MLLT6: variants seen among roughly 807,000 people sequenced by gnomAD.
MLLT6 encodes MLLT6, PHD finger containing.
In MLLT6, 22 loss-of-function variants were observed where a neutral mutation model predicts 103.0. The ratio of observed to expected loss-of-function variants is 0.21; its 90% confidence interval spans 0.15 to 0.31. MLLT6 has a LOEUF of 0.31. Among genes scored for constraint, MLLT6 ranks in the 10% least tolerant of loss-of-function variants. The probability of loss-of-function intolerance (pLI) is 1.00; values close to 1 mark genes in which losing one functional copy is unlikely to be tolerated. For missense variants in MLLT6, 1,199 were observed against 1,441.7 expected (o/e 0.83, Z 2.73); for synonymous variants, 606 against 623.5 (o/e 0.97, Z 0.42).
intron 7 of MLLT6, among the ~76,000 whole-genome samples, chr17:38,712,482 C>T (rs1277574304): frequency 6.6e-6 from 1 of 152,156 alleles, no homozygotes; most frequent in Non-Finnish European, 1.5e-5. Flanking sequence ...CTATTTTTAG[C>T]AGGCGGGGCC....
Position 38,715,628 on chromosome 17 carries a change from C to G in MLLT6, c.836C>G (p.Ser279Cys), listed in dbSNP as rs1176781245. Residue 279 changes from serine (S) to cysteine (C), a missense_variant, in exon 9 of 20, where the codon TCC becomes TGC. Ser to Cys is a moderately radical substitution (Grantham distance 112). Transcript: ENST00000621332. ...PTADKVSSSASSSSHHEASTQ... is the reference protein window; with the variant it reads ...PTADKVSSSACSSSHHEASTQ... ...CTCCTTCAGGTCTCCTCCTCGGCTT[C>G]CTCTTCCTCCCACCACGAGGCCAGC... 1.2e-6 allele frequency: 2 copies of G among 1,613,152 alleles called. No individual in the cohort carries two copies. The highest frequency in any genetic ancestry group is 8.5e-7 in the Non-Finnish European group (1 of 1,179,768).
rs1905662567 is a variant in MLLT6, at chr17:38,720,509, C to T, written c.2293C>T (p.Pro765Ser). 3.7e-6 allele frequency: 6 copies of T among 1,612,288 alleles called. No individual in the cohort carries two copies. Among genetic ancestry groups the T allele is most frequent in the South Asian group, 1.1e-5 (1 of 90,986 alleles). ...VQLSVPFPAL[P>S]AALPAANGPV... ...GCTCTCTGTGCCCTTCCCTGCCCTG[C>T]CTGCTGCCCTGCCTGCCGCCAACGG... The change falls in exon 15 of 20, where the codon CCT becomes TCT. Residue 765 changes from proline to serine, a missense_variant. This residue lies in a region of MLLT6 where 1,034 missense variants were observed against 1,091.5 expected (regional missense o/e 0.95). Transcript: ENST00000621332.
At chr17:38,720,809 C>A in intron 16 of MLLT6, 62 bp downstream of exon 16, 1 of 1,429,702 alleles carries the variant, frequency 7.0e-7, no homozygotes, top group Non-Finnish European at 9.8e-7. Context: ...CTGGTCCCAT[C>A]TCTTCCCCGC....
At chr17:38,712,233 T>TC in intron 7 of MLLT6, 1 of 463,362 alleles carries the variant, frequency 2.2e-6, no homozygotes, top group Non-Finnish European at 2.8e-6. Flanking sequence ...CTCTGGGTCC[T>TC]CCCCATGACA....
chr17:38,705,860 A>T, intron 1 of MLLT6, 119 bp downstream of exon 1: 1 of 311,812 alleles, frequency 3.2e-6, no homozygotes, highest in Admixed American at 5.1e-5. Context: ...CCCCACCTGA[A>T]GGGAAGGGAG....
In MLLT6 at chr17:38,719,518, G is replaced by A. The variant is rs1435629084; in HGVS notation, c.1944G>A (p.Glu648=). 6.2e-7 allele frequency: 1 copy of A among 1,609,570 alleles called. No individual in the cohort carries two copies. Among genetic ancestry groups the A allele is most frequent in the East Asian group, 2.2e-5 (1 of 44,778 alleles). ...LLSQAESSHT[E]PDLEDCSFRC... is the part of the protein sequence containing the mutation. ...ATCCCAGCCTTCCCTTCTTCCAAGA[G>A]CCAGACCTGGAGGACTGCAGCTTCC... is the stretch of plus-strand genomic sequence containing the variant. The change falls in exon 13 of 20, where the codon GAG becomes GAA. Residue 648 remains glutamate, a splice_region_variant and synonymous_variant. Transcript: ENST00000621332.
chr17:38,708,291 C>A, intron 4 of MLLT6: 1 of 168,718 alleles, frequency 5.9e-6, no homozygotes, highest in Non-Finnish European at 1.3e-5. Context: ...AAAGTAAATG[C>A]AATTTGTGAT....
chr17:38,705,795 G>A (rs2143658115), intron 1 of MLLT6, 54 bp downstream of exon 1: 5 of 823,568 alleles, frequency 6.1e-6, no homozygotes, highest in Non-Finnish European at 3.2e-6. Flanking sequence ...CGTGCGCGGG[G>A]CGCCCCCGGC....
Position 38,709,488 on chromosome 17 carries a change from A to G in MLLT6, c.465A>G (p.Gln155=), listed in dbSNP as rs1905067421. ...CRQAFHVTCA[Q]MAGLLCEEEV... ...GGCTGCCTTCTCTGGTTAGTGCCCA[A>G]ATGGCAGGCTTGCTGTGTGAGGAAG... The change falls in exon 6 of 20, where the codon CAA becomes CAG. Residue 155 remains glutamine (Q), a synonymous_variant. Transcript: ENST00000621332. This position sits in a 1 kb window ranked among gnomAD's most constrained non-coding sequence, Gnocchi z 4.3. 1.2e-6 allele frequency: 2 copies of G among 1,614,122 alleles called. No individual in the cohort carries two copies. Among genetic ancestry groups the G allele is most frequent in the East Asian group, 2.2e-5 (1 of 44,882 alleles).
At chr17:38,712,125 T>G in intron 7 of MLLT6, 111 bp downstream of exon 7, 2 of 1,371,712 alleles carry the variant, frequency 1.5e-6, no homozygotes, top group Non-Finnish European at 1.9e-6. Context: ...CCTGCCTTCT[T>G]CCTTCCTCTG....
rs753125117 is a variant in MLLT6 at position 38,722,648 on chromosome 17, TC to T, written c.2793-21del. On this transcript the variant is annotated intron_variant, in intron 17 of 19. Coordinates refer to ENST00000621332, the MANE Select transcript of MLLT6 (RefSeq NM_005937.4). The stretch of plus-strand genomic sequence containing the variant: ...GCCCTCCCCCATGGTCTGTGTGTTG[TC>T]CCCCCCCCACCCCCCACCCCCACCT... The T allele has an allele frequency of 3.6e-3, 1,546 of 435,276 alleles. 2 individuals carry two copies. The highest frequency in any genetic ancestry group is 5.0e-3 in the East Asian group (103 of 20,766). The allele number at this position is 435,276 out of a possible 1,614,324, so 27.0% of individuals were successfully genotyped here.
chr17:38,720,779 G>C lies in MLLT6; in HGVS notation c.2442+32G>C, dbSNP rs1188407418. ...GCTACGAGGAGTGGGGCAGGAAGGA[G>C]GGGGAGACTCAAGGCTCTCCTGGTC... On this transcript the variant is annotated intron_variant, in intron 16 of 19. Transcript: ENST00000621332. The C allele has an allele frequency of 3.1e-6, 5 of 1,593,604 alleles. No homozygotes were observed. In the South Asian group the frequency reaches 4.4e-5, roughly 14 times the overall value.
At chr17:38,707,906 C>T (rs536536814) in intron 4 of MLLT6, 34 bp downstream of exon 4, 1 of 1,325,264 alleles carries the variant, frequency 7.5e-7, no homozygotes, top group Non-Finnish European at 1.1e-6. Flanking sequence ...CCTACCAGTT[C>T]CCTCCCATCT....
chr17:38,705,616 A>T lies in MLLT6; in HGVS notation c.-17A>T. ...GGCCGGCCCCCCGCCCCAGCCCCGG[A>T]GGGAGCTCATGGGAGTATGAAGGAG... On this transcript the variant is annotated 5_prime_UTR_variant, in exon 1 of 20. Transcript: ENST00000621332. 3 of 873,234 alleles carry T rather than the reference A, an allele frequency of 3.4e-6. No homozygotes were observed. The highest frequency in any genetic ancestry group is 1.4e-5 in the South Asian group (1 of 71,450). The allele number at this position is 873,234 out of a possible 1,614,324, so 54.1% of individuals were successfully genotyped here. A position where few individuals can be genotyped will look rare whatever the true frequency, so the allele number is the denominator to read the frequency against.
In MLLT6 at chr17:38,725,594, G is replaced by A. The variant is rs1180770749; in HGVS notation, c.3278G>A (p.Gly1093Asp). ...GGAGCCTCAGCCAACCAGGAAAAAG[G>A]CTAAATCCACCCTTACCCCTCCTGA... ...DKGASANQEKG is the reference protein window; with the variant it reads ...DKGASANQEKD The change falls in exon 20 of 20, where the codon GGC becomes GAC. Residue 1093 changes from glycine (G) to aspartate (D), a missense_variant. Coordinates refer to ENST00000621332, the MANE Select transcript of MLLT6 (RefSeq NM_005937.4). The A allele has an allele frequency of 4.4e-6, 7 of 1,601,860 alleles. No individual in the cohort carries two copies. The highest frequency in any genetic ancestry group is 6.0e-6 in the Non-Finnish European group (7 of 1,175,534).
intron 9 of MLLT6, 26 bp downstream of exon 9, chr17:38,715,854 C>A: frequency 6.4e-7 from 1 of 1,559,598 alleles, no homozygotes; most frequent in Non-Finnish European, 8.7e-7. Flanking sequence ...CGGGAGGAAG[C>A]TGGGAGCAGG....
Position 38,716,049 on chromosome 17 carries a change from A to T in MLLT6, c.1036+221A>T. The T allele has an allele frequency of 3.3e-6, 2 of 609,390 alleles. No individual in the cohort carries two copies. The highest frequency in any genetic ancestry group is 4.1e-5 in the South Asian group (2 of 49,188). The allele number at this position is 609,390 out of a possible 1,614,324, so 37.7% of individuals were successfully genotyped here. A position where few individuals can be genotyped will look rare whatever the true frequency, so the allele number is the denominator to read the frequency against. On this transcript the variant is annotated intron_variant, in intron 9 of 19. Coordinates refer to ENST00000621332, the MANE Select transcript of MLLT6 (RefSeq NM_005937.4). The surrounding 1 kb of genome is among the most constrained non-coding windows in gnomAD (Gnocchi z 5.6). Reference sequence around the variant, plus strand: ...TCAGGGGCCACCCCACCAACCTCATAACAGTATTCCTTATCCCCTACATTT... The same window carrying T: ...TCAGGGGCCACCCCACCAACCTCATTACAGTATTCCTTATCCCCTACATTT...
intron 14 of MLLT6, 188 bp from the exon 15 acceptor site, chr17:38,720,184 C>T (rs909029240): frequency 5.7e-6 from 4 of 697,422 alleles, no homozygotes; most frequent in African/African-American, 3.6e-5. Flanking sequence ...TCAGGCTCCG[C>T]CCCAGGTCTT....
intron 17 of MLLT6, 30 bp from the exon 18 acceptor site, chr17:38,722,648 T>TGCCCCC: frequency 4.3e-5 from 19 of 441,538 alleles, no homozygotes; most frequent in South Asian, 1.1e-4. Context: ...CTGTGTGTTG[T>TGCCCCC]CCCCCCCCCA....
Sources: gnomAD v4.1 joint callset for allele counts (sites outside exome capture counted in the v4.1 genomes callset) on GRCh38, gnomAD v4.1.1 for gene constraint, gnomAD v4.1.1 regional missense constraint, Gnocchi (gnomAD v3.1) non-coding constraint, MANE v1.5 for transcripts, NCBI Gene and HGNC (gene_info 2026-07-23, HGNC 2026-07-21) for gene names.